The following RBFOX1 variants were observed in gnomAD, a reference collection of about 807,000 sequenced individuals.
RBFOX1 encodes RNA binding fox-1 homolog 1, also known as RNA binding protein fox-1 homolog 1.
RBFOX1 carries 8 observed loss-of-function variants against 57.7 expected under a neutral mutation model. The ratio of observed to expected loss-of-function variants is 0.14; its 90% CI spans 0.08 to 0.25. The LOEUF (loss-of-function observed/expected upper bound fraction) is 0.25. Among genes scored for constraint, RBFOX1 ranks in the 10% least tolerant of loss-of-function variants. The pLI is 1.00. For missense variants in RBFOX1, 611 were observed against 548.5 expected, an observed-to-expected ratio of 1.11 and a Z score of -1.14; for synonymous variants, 326 against 222.4, an observed-to-expected ratio of 1.47 and a Z score of -4.15.
chr16:6,556,286 G>T (rs2097097235), intron 2 of RBFOX1, among the ~76,000 whole-genome samples: 1 of 152,148 alleles, frequency 6.6e-6, no homozygotes, highest in Non-Finnish European at 1.5e-5. Context: ...CAGTCAGGGG[G>T]AGATTTTATT....
chr16:7,034,848 CTTTT>C (rs58405378), intron 3 of RBFOX1, among the ~76,000 whole-genome samples: 1 of 30,828 alleles, frequency 3.2e-5, no homozygotes, highest in Non-Finnish European at 5.2e-5. Flanking sequence ...TTTCTTTTTT[CTTTT>C]TTTTTTTTTT....
chr16:6,337,314 C>T (rs1371126888), intron 2 of RBFOX1, among the ~76,000 whole-genome samples: 2 of 152,120 alleles, frequency 1.3e-5, no homozygotes, highest in Non-Finnish European at 2.9e-5. Flanking sequence ...TGTATTGTGC[C>T]GTCCCAACAG....
intron 3 of RBFOX1, among the ~76,000 whole-genome samples, chr16:7,006,239 C>T (rs1401616634): frequency 1.3e-5 from 2 of 152,142 alleles, no homozygotes; most frequent in East Asian, 1.9e-4. Context: ...ACTGCATCCT[C>T]TGCCTCCGAG....
At chr16:7,413,582 C>T (rs1259240507) in intron 4 of RBFOX1, among the ~76,000 whole-genome samples, 1 of 152,008 alleles carries the variant, frequency 6.6e-6, no homozygotes, top group African/African-American at 2.4e-5. Flanking sequence ...CCACGCTTTG[C>T]TGCCACCCCC....
At chr16:6,062,004 A>G (rs1415074552) in intron 1 of RBFOX1, among the ~76,000 whole-genome samples, 1 of 152,124 alleles carries the variant, frequency 6.6e-6, no homozygotes, top group African/African-American at 2.4e-5. Context: ...CCCTGGGTTT[A>G]AGTTGATCGA....
rs574125565 is a variant in RBFOX1, at chr16:6,911,431, G to C, written c.-15-140626G>C. On this transcript the variant is annotated intron_variant, in intron 3 of 15. Transcript: ENST00000550418. ...GCCCCTCCCTGTGGTTGCTGGCAACGCATGGTGCTGCTTGGGTTTTAACTC... is the reference window on the plus strand; with the variant it reads ...GCCCCTCCCTGTGGTTGCTGGCAACCCATGGTGCTGCTTGGGTTTTAACTC... 1.5e-3 allele frequency among the ~76,000 whole-genome samples: 229 copies of C among 152,262 alleles called. 1 individual carries two copies. The highest frequency in any genetic ancestry group is 1.9e-3 in the Non-Finnish European group (127 of 68,008).
At chr16:5,411,601 A>G (rs376356264) in intron 1 of RBFOX1, among the ~76,000 whole-genome samples, 5 of 152,318 alleles carry the variant, frequency 3.3e-5, no homozygotes, top group African/African-American at 9.6e-5. Context: ...TTACAGCAGC[A>G]ACAGAAAATT....
chr16:7,359,628 G>T (rs2097282129), intron 4 of RBFOX1, among the ~76,000 whole-genome samples: 1 of 152,112 alleles, frequency 6.6e-6, no homozygotes, highest in Non-Finnish European at 1.5e-5. Flanking sequence ...GTCCACAATG[G>T]CTTGCTGTCT....
chr16:6,206,308 C>A (rs1179871233), intron 1 of RBFOX1, among the ~76,000 whole-genome samples: 1 of 152,096 alleles, frequency 6.6e-6, no homozygotes, highest in African/African-American at 2.4e-5. Flanking sequence ...GCTTACTTTG[C>A]CAAGCTAGTT....
chr16:6,738,623 A>G (rs965101160), intron 3 of RBFOX1, among the ~76,000 whole-genome samples: 4 of 152,234 alleles, frequency 2.6e-5, no homozygotes, highest in African/African-American at 4.8e-5. Flanking sequence ...ACTCACCACC[A>G]TCAACCAACA....
chr16:6,693,431 C>T (rs1157655588), intron 3 of RBFOX1, among the ~76,000 whole-genome samples: 7 of 151,778 alleles, frequency 4.6e-5, no homozygotes, highest in Admixed American at 2.6e-4. Flanking sequence ...TCATTATCAA[C>T]ATCCTCCTTC....
intron 2 of RBFOX1, among the ~76,000 whole-genome samples, chr16:6,394,276 C>T (rs973535500): frequency 3.9e-5 from 6 of 152,112 alleles, no homozygotes; most frequent in African/African-American, 7.2e-5. Flanking sequence ...TAATGCTGAT[C>T]GAGGCATATT....
At chr16:6,495,198 A>T (rs1194379124) in intron 2 of RBFOX1, among the ~76,000 whole-genome samples, 1 of 152,008 alleles carries the variant, frequency 6.6e-6, no homozygotes, top group Non-Finnish European at 1.5e-5. Context: ...GGCTCATTGC[A>T]ACTTCTGCCT....
intron 4 of RBFOX1, among the ~76,000 whole-genome samples, chr16:5,899,333 T>A (rs2058250053): frequency 6.6e-6 from 1 of 152,068 alleles, no homozygotes; most frequent in Admixed American, 6.6e-5. Flanking sequence ...GGAGAGCCTG[T>A]CATGCAGAAG....
intron 3 of RBFOX1, among the ~76,000 whole-genome samples, chr16:7,011,047 C>G (rs1001234898): frequency 2.7e-5 from 4 of 149,646 alleles, no homozygotes; most frequent in Admixed American, 1.3e-4. Context: ...GTGGCCTTGC[C>G]TTTTAATTGA....
intron 3 of RBFOX1, among the ~76,000 whole-genome samples, chr16:6,940,865 G>T (rs977763717): frequency 1.5e-4 from 20 of 130,614 alleles, no homozygotes; most frequent in Non-Finnish European, 2.8e-4. Context: ...GTGTGTGTGT[G>T]TGTGTGTGTG....
At chr16:7,185,111 A>C (rs144840525) in intron 4 of RBFOX1, among the ~76,000 whole-genome samples, 2 of 152,320 alleles carry the variant, frequency 1.3e-5, no homozygotes, top group African/African-American at 4.8e-5. Flanking sequence ...ACCACCTAAC[A>C]GTGGGGTATT....
intron 3 of RBFOX1, among the ~76,000 whole-genome samples, chr16:5,820,755 C>G (rs1370568675): frequency 6.6e-6 from 1 of 152,176 alleles, no homozygotes; most frequent in Non-Finnish European, 1.5e-5. Context: ...GTCTCCTGTG[C>G]TCTCCCAGCC....
chr16:5,373,667 C>T (rs934425988), intron 1 of RBFOX1, among the ~76,000 whole-genome samples: 2 of 151,776 alleles, frequency 1.3e-5, no homozygotes, highest in African/African-American at 2.4e-5. Context: ...TGCGGTGGTG[C>T]GATCTTGGCT....
Sources: gnomAD v4.1 joint callset for allele counts (sites outside exome capture counted in the v4.1 genomes callset) on GRCh38, gnomAD v4.1.1 for gene constraint, MANE v1.5 for transcripts, NCBI Gene and HGNC (gene_info 2026-07-23, HGNC 2026-07-21) for gene names.